The following PFKM variants were observed in gnomAD, a reference collection of about 807,000 sequenced individuals.
PFKM encodes ATP-dependent 6-phosphofructokinase, muscle type.
A neutral mutation model predicts 95.5 loss-of-function variants in PFKM; 58 were observed. The ratio of observed to expected loss-of-function variants is 0.61; its 90% CI spans 0.49 to 0.76. The LOEUF is 0.76. Ranked by LOEUF, PFKM falls within the 30% of genes least tolerant of loss-of-function variation. The pLI is 0.00. For synonymous variants in PFKM, 336 were observed against 357.2 expected (o/e 0.94, Z 0.67); for missense variants, 678 against 1,005.4 (o/e 0.67, Z 4.40).
Position 48,125,306 on chromosome 12 carries a change from T to C in PFKM, c.85+2447T>C, listed in dbSNP as rs770134472. On this transcript the variant is annotated intron_variant, in intron 2 of 22. Coordinates refer to ENST00000359794, the MANE Select transcript of PFKM (RefSeq NM_000289.6). Reference sequence around the variant, plus strand: ...GCCATTACAAATGTATGTTTATCTTTTTGATTTTTTTTTTTAAGAGATGGG... The same window carrying C: ...GCCATTACAAATGTATGTTTATCTTCTTGATTTTTTTTTTTAAGAGATGGG... 108 of 450,984 alleles carry C rather than the reference T, an allele frequency of 2.4e-4. 1 individual carries two copies. In the Middle Eastern group the frequency reaches 6.9e-3, roughly 29 times the overall value. The allele number at this position is 450,984 out of a possible 1,614,324, so 27.9% of individuals were successfully genotyped here.
At position 48,139,304 on chromosome 12, in the gene PFKM, C is replaced by A. The variant is rs763928206; in HGVS notation, c.1082C>A (p.Ala361Asp). 6.2e-7 allele frequency: 1 copy of A among 1,613,644 alleles called. No homozygotes were observed. Among genetic ancestry groups the A allele is most frequent in the East Asian group, 2.2e-5 (1 of 44,858 alleles). Residue 361 changes from alanine (A) to aspartate (D), a missense_variant, in exon 12 of 23, where the codon GCC (alanine) becomes GAC (aspartate). Transcript: ENST00000359794. Reference protein sequence around the residue: ...CVQVTKDVTKAMDEKKFDEAL... With the variant: ...CVQVTKDVTKDMDEKKFDEAL... The stretch of plus-strand genomic sequence containing the variant: ...CCTCAGACCAAAGATGTGACCAAGG[C>A]CATGGATGAGAAGAAATTTGACGAA...
chr12:48,145,431 T>G lies in PFKM; in HGVS notation c.2198+116T>G, dbSNP rs866167838. On this transcript the variant is annotated intron_variant, in intron 22 of 22. Transcript: ENST00000359794. This position sits in a 1 kb window ranked among gnomAD's most constrained non-coding sequence, Gnocchi z 4.3. The stretch of plus-strand genomic sequence containing the variant: ...TTTTTTTAAGGAGTAACACCTGTAT[T>G]CTTACCCATTTCAGATGTGATGCAC... 3.9e-6 allele frequency: 5 copies of G among 1,271,072 alleles called. No individual in the cohort carries two copies. The Middle Eastern group carries it at 9.5e-4, about 242-fold the overall frequency. The allele number at this position is 1,271,072 out of a possible 1,614,324, so 78.7% of individuals were successfully genotyped here. A position where few individuals can be genotyped will look rare whatever the true frequency, so the allele number is the denominator to read the frequency against.
At chr12:48,144,019 C>T (rs757537949) in intron 19 of PFKM, 27 bp from the exon 20 acceptor site, 2 of 1,500,374 alleles carry the variant, frequency 1.3e-6, no homozygotes, top group Middle Eastern at 1.7e-4. Flanking sequence ...ACCACAGAGT[C>T]ACAGGCTTTT....
chr12:48,132,509 G>C (rs1307248475), intron 4 of PFKM, among the ~76,000 whole-genome samples: 2 of 152,206 alleles, frequency 1.3e-5, no homozygotes, highest in Non-Finnish European at 2.9e-5. Context: ...CCATTAGGGA[G>C]AATTTCTAAA....
At chr12:48,139,411 TCTC>T (rs1209777284) in intron 12 of PFKM, 62 bp downstream of exon 12, 6 of 1,278,024 alleles carry the variant, frequency 4.7e-6, no homozygotes, top group Non-Finnish European at 5.7e-6. Context: ...AAGCCAAAGA[TCTC>T]CATGGCTCCA....
At chr12:48,112,755 C>T (rs940877661) in intron 3 of PFKM, among the ~76,000 whole-genome samples, 1 of 152,040 alleles carries the variant, frequency 6.6e-6, no homozygotes, top group Admixed American at 6.5e-5. Context: ...TAAGGCTTGT[C>T]TGGTTTTTGG....
At chr12:48,117,910 G>C (rs567209539), upstream of PFKM, among the ~76,000 whole-genome samples, 1 of 152,270 alleles carries the variant, frequency 6.6e-6, no homozygotes, top group African/African-American at 2.4e-5. Flanking sequence ...GAAGCAGGGA[G>C]GGGGGAGCGG....
At chr12:48,140,685 T>C (rs1481033349) in intron 13 of PFKM, 37 bp from the exon 14 acceptor site, 3 of 1,612,848 alleles carry the variant, frequency 1.9e-6, no homozygotes, top group African/African-American at 2.7e-5. Context: ...CCCTGCTGGG[T>C]TTCTGTCCTC....
Position 48,137,375 on chromosome 12 carries a change from C to A in PFKM, c.937-346C>A. The A allele has an allele frequency of 5.7e-6, 2 of 351,966 alleles. 1 individual carries two copies. Among genetic ancestry groups the A allele is most frequent in the Non-Finnish European group, 1.1e-5 (2 of 182,694 alleles). The allele number at this position is 351,966 out of a possible 1,614,324, so 21.8% of individuals were successfully genotyped here. A position where few individuals can be genotyped will look rare whatever the true frequency, so the allele number is the denominator to read the frequency against. On this transcript the variant is annotated intron_variant, in intron 10 of 22. Transcript: ENST00000359794. Reference sequence around the variant, plus strand: ...TCCAACCTTAGACACTCAGTTTAAACCCTCTTATCCTATCTTCACTGGAAG... The same window carrying A: ...TCCAACCTTAGACACTCAGTTTAAAACCTCTTATCCTATCTTCACTGGAAG...
upstream of PFKM, among the ~76,000 whole-genome samples, chr12:48,118,079 G>T (rs1947834361): frequency 6.6e-6 from 1 of 152,284 alleles, no homozygotes; most frequent in South Asian, 2.1e-4. Context: ...AGAATAGATT[G>T]TAAATGTTTC....
Position 48,140,734 on chromosome 12 carries a change from A to G in PFKM, c.1204A>G (p.Thr402Ala). ...TCCTCCTGTATAGAGTGGTTCGCAC[A>G]CAGTGGCTGTGATGAACGTGGGGGC... ...RPPVSKSGSH[T>A]VAVMNVGAPA... Residue 402 changes from threonine (T) to alanine (A), a missense_variant, in exon 14 of 23, where the codon ACA becomes GCA. Coordinates refer to ENST00000359794, the MANE Select transcript of PFKM (RefSeq NM_000289.6). The G allele has an allele frequency of 5.0e-6, 8 of 1,614,246 alleles. No individual in the cohort carries two copies. The highest frequency in any genetic ancestry group is 6.8e-6 in the Non-Finnish European group (8 of 1,180,050).
chr12:48,137,597 G>T, intron 10 of PFKM, 124 bp from the exon 11 acceptor site: 1 of 1,104,100 alleles, frequency 9.1e-7, no homozygotes, highest in Non-Finnish European at 1.4e-6. Context: ...GTTCTTTGCT[G>T]CAGTTCTTAA....
chr12:48,137,690 C>T (rs1950223687), intron 10 of PFKM, 31 bp from the exon 11 acceptor site: 1 of 1,614,030 alleles, frequency 6.2e-7, no homozygotes, highest in Non-Finnish European at 8.5e-7. Context: ...CAGCCTGAGC[C>T]AGACTGTCTT....
chr12:48,136,692 C>CTTTTTTTTTT (rs1166389532), intron 10 of PFKM, among the ~76,000 whole-genome samples: 45 of 63,002 alleles, frequency 7.1e-4, no homozygotes, highest in African/African-American at 1.2e-3. Context: ...GGGGTCGTCA[C>CTTTTTTTTTT]TTTTTTTTTT....
At position 48,144,276 on chromosome 12, in the gene PFKM, A is replaced by C. The variant is rs564113528; in HGVS notation, c.1992+119A>C. 309 of 745,328 alleles carry C rather than the reference A, an allele frequency of 4.1e-4. 2 individuals are homozygous for C. The African/African-American group carries it at 4.8e-3, about 11-fold the overall frequency. 46.2% of individuals were successfully genotyped at this position (745,328 alleles called of 1,614,324 possible). On this transcript the variant is annotated intron_variant, in intron 20 of 22. Transcript: ENST00000359794. ...TTCCAGTCTTCTGGAGGAGCCTGTC[A>C]GTGCCATCATAGAGCATGGGCCTGC... is the stretch of plus-strand genomic sequence containing the variant.
intron 1 of PFKM, chr12:48,107,257 G>T (rs1946751755): frequency 5.6e-6 from 4 of 710,598 alleles, no homozygotes. Context: ...ATATTATATT[G>T]TCAAGTCCTA....
At chr12:48,138,758 A>C (rs1433736212) in intron 11 of PFKM, among the ~76,000 whole-genome samples, 1 of 152,226 alleles carries the variant, frequency 6.6e-6, no homozygotes, top group Non-Finnish European at 1.5e-5. Flanking sequence ...CATACTTCTA[A>C]TAAACAGAGC....
rs1431713561 is a variant in PFKM at position 48,134,963 on chromosome 12, T to C, written c.768T>C (p.Arg256=). ...ACCAGACAAGGACCCGTGGTTCTCGTCTCAACATCATCATTGTGGCTGAGG... is the reference window on the plus strand; with the variant it reads ...ACCAGACAAGGACCCGTGGTTCTCGCCTCAACATCATCATTGTGGCTGAGG... The part of the protein sequence containing the change: ...RLSETRTRGS[R]LNIIIVAEGA... The change falls in exon 9 of 23, where the codon CGT becomes CGC. Residue 256 remains arginine, a synonymous_variant. Transcript: ENST00000359794. 6.2e-7 allele frequency: 1 copy of C among 1,614,078 alleles called. No homozygotes were observed. The highest frequency in any genetic ancestry group is 2.2e-5 in the East Asian group (1 of 44,878).
chr12:48,134,573 C>T lies in PFKM; in HGVS notation c.639-148C>T. The T allele has an allele frequency of 5.4e-6, 4 of 734,976 alleles. No homozygotes were observed. The South Asian group carries it at 6.0e-5, about 11-fold the overall frequency. 45.5% of individuals were successfully genotyped at this position (734,976 alleles called of 1,614,324 possible). A position where few individuals can be genotyped will look rare whatever the true frequency, so the allele number is the denominator to read the frequency against. ...TTAGAGACAGAATCTCATTGAGGGGCCCCGGTGCTCTTACCCTTGCCCCAC... is the reference window on the plus strand; with the variant it reads ...TTAGAGACAGAATCTCATTGAGGGGTCCCGGTGCTCTTACCCTTGCCCCAC... On this transcript the variant is annotated intron_variant, in intron 7 of 22. Coordinates refer to ENST00000359794, the MANE Select transcript of PFKM (RefSeq NM_000289.6).
Sources: allele counts gnomAD v4.1 joint callset (sites outside exome capture counted in the v4.1 genomes callset), GRCh38; gene constraint gnomAD v4.1.1; non-coding constraint Gnocchi (gnomAD v3.1); transcripts MANE v1.5; gene names NCBI Gene and HGNC (gene_info 2026-07-23, HGNC 2026-07-21).